SCMH1: variants seen among roughly 807,000 people sequenced by gnomAD.
SCMH1 encodes polycomb protein SCMH1.
Under a neutral mutation model 70.8 loss-of-function variants are expected in SCMH1, and 37 were observed. The observed-to-expected ratio is 0.52, with a 90% CI of 0.40 to 0.69. SCMH1 has a LOEUF of 0.69. Ranked by LOEUF, SCMH1 falls within the 30% of genes least tolerant of loss-of-function variation. The pLI is 0.00. For missense variants in SCMH1, 607 were observed against 827.3 expected, an observed-to-expected ratio of 0.73 and a Z score of 3.27; for synonymous variants, 292 against 307.4, an observed-to-expected ratio of 0.95 and a Z score of 0.52.
chr1:41,046,483 G>T, exon 12 of SCMH1: 2 of 1,614,220 alleles, frequency 1.2e-6, no homozygotes, highest in South Asian at 2.2e-5. Flanking sequence ...AGGGCTGGTT[G>T]CCAAACAGAT....
chr1:41,052,841 CG>C (rs1309173352), intron 10 of SCMH1, among the ~76,000 whole-genome samples: 1 of 150,596 alleles, frequency 6.6e-6, no homozygotes, highest in Non-Finnish European at 1.5e-5. Context: ...AAGGGAACTT[CG>C]GGGGTGGCAG....
At chr1:41,048,834 C>G (rs1647147610) in exon 11 of SCMH1, 1 of 1,614,052 alleles carries the variant, frequency 6.2e-7, no homozygotes, top group Non-Finnish European at 8.5e-7. Context: ...AGTTGCTGGA[C>G]CTTCTTCTTA....
intron 8 of SCMH1, among the ~76,000 whole-genome samples, chr1:41,100,136 C>A (rs1484336164): frequency 6.6e-6 from 1 of 151,932 alleles, no homozygotes; most frequent in Non-Finnish European, 1.5e-5. Context: ...TACTGTATTT[C>A]CCTATTGATT....
chr1:41,191,375 T>C (rs987782554), intron 1 of SCMH1, among the ~76,000 whole-genome samples: 3 of 152,254 alleles, frequency 2.0e-5, no homozygotes, highest in African/African-American at 7.2e-5. Context: ...ATTAAGTATA[T>C]TTGAACATAT....
At chr1:41,059,829 T>C (rs939985325) in intron 10 of SCMH1, among the ~76,000 whole-genome samples, 5 of 152,098 alleles carry the variant, frequency 3.3e-5, no homozygotes, top group East Asian at 1.9e-4. Flanking sequence ...TGTAAGGGGT[T>C]TGAGTGCACG....
chr1:41,222,843 C>T (rs190125315), intron 1 of SCMH1, among the ~76,000 whole-genome samples: 87 of 152,268 alleles, frequency 5.7e-4, no homozygotes, highest in African/African-American at 1.9e-3. Flanking sequence ...TCAAAGGATA[C>T]TTCTGTTGAG....
chr1:41,211,214 T>C (rs565399729), intron 1 of SCMH1, among the ~76,000 whole-genome samples: 18 of 152,240 alleles, frequency 1.2e-4, no homozygotes, highest in African/African-American at 4.3e-4. Flanking sequence ...GAAACTATCA[T>C]CAGAGTGAAC....
At chr1:41,125,560 TTC>T (rs1672984456) in intron 6 of SCMH1, among the ~76,000 whole-genome samples, 1 of 151,778 alleles carries the variant, frequency 6.6e-6, no homozygotes, top group Admixed American at 6.6e-5. Context: ...TAAAGGAGAT[TTC>T]TTCCCTCCAA....
chr1:41,099,687 T>C (rs764243447), intron 8 of SCMH1, among the ~76,000 whole-genome samples: 4 of 152,216 alleles, frequency 2.6e-5, no homozygotes, highest in Non-Finnish European at 5.9e-5. Context: ...ATGAGTACTG[T>C]GTCTGACATG....
At chr1:41,142,820 G>GC in intron 6 of SCMH1, 58 bp downstream of exon 6, 2 of 1,451,240 alleles carry the variant, frequency 1.4e-6, no homozygotes, top group Non-Finnish European at 1.9e-6. Context: ...AGGATGTTCA[G>GC]TTTTTGGACG....
chr1:41,220,215 T>C (rs1469656678), intron 1 of SCMH1, among the ~76,000 whole-genome samples: 1 of 152,234 alleles, frequency 6.6e-6, no homozygotes, highest in Non-Finnish European at 1.5e-5. Context: ...GGAGGACCCA[T>C]GGCCTGCTTT....
At chr1:41,040,217 G>C (rs537601103) in intron 12 of SCMH1, among the ~76,000 whole-genome samples, 7 of 152,296 alleles carry the variant, frequency 4.6e-5, no homozygotes, top group Non-Finnish European at 1.0e-4. Context: ...TTGTGTGTGT[G>C]ACAGCCACTA....
intron 2 of SCMH1, among the ~76,000 whole-genome samples, chr1:41,173,650 G>A (rs1219608978): frequency 6.6e-6 from 1 of 152,084 alleles, no homozygotes; most frequent in East Asian, 1.9e-4. Flanking sequence ...ATGTCGAAGA[G>A]TTATCTGCAC....
chr1:41,151,483 C>G, intron 5 of SCMH1, 131 bp downstream of exon 5: 1 of 578,736 alleles, frequency 1.7e-6, no homozygotes, highest in Non-Finnish European at 3.0e-6. Flanking sequence ...GAGCTGTGTT[C>G]TTCCCATAGA....
chr1:41,196,002 AC>A (rs1347938444), intron 1 of SCMH1, among the ~76,000 whole-genome samples: 3 of 151,666 alleles, frequency 2.0e-5, no homozygotes, highest in African/African-American at 7.2e-5. Flanking sequence ...AATAAATTTA[AC>A]TAACACGGCT....
At chr1:41,056,873 C>T (rs894020915) in intron 10 of SCMH1, among the ~76,000 whole-genome samples, 2 of 152,076 alleles carry the variant, frequency 1.3e-5, no homozygotes, top group African/African-American at 4.8e-5. Context: ...GAAAAATACC[C>T]TCATGCTTTT....
chr1:41,034,163 C>T (rs1240263731), intron 13 of SCMH1, 115 bp from the exon 14 acceptor site: 11 of 1,432,256 alleles, frequency 7.7e-6, no homozygotes, highest in East Asian at 2.6e-5. Flanking sequence ...GCAAGGGAGC[C>T]GAGGCTAGAA....
At chr1:41,165,473 A>G (rs1646351174) in intron 2 of SCMH1, among the ~76,000 whole-genome samples, 1 of 152,122 alleles carries the variant, frequency 6.6e-6, no homozygotes, top group Non-Finnish European at 1.5e-5. Flanking sequence ...CCTGTTTTTC[A>G]AAATGGCTGT....
chr1:41,058,820 G>A (rs1651541400), intron 10 of SCMH1, among the ~76,000 whole-genome samples: 2 of 152,178 alleles, frequency 1.3e-5, no homozygotes. Flanking sequence ...ATGGGGTAAA[G>A]TAAAAATCAA....
Sources: allele counts gnomAD v4.1 joint callset (sites outside exome capture counted in the v4.1 genomes callset), GRCh38; gene constraint gnomAD v4.1.1; transcripts MANE v1.5; gene names NCBI Gene and HGNC (gene_info 2026-07-23, HGNC 2026-07-21).